Variants in NCOR2 observed in about 807,000 individuals in gnomAD.
NCOR2 encodes the protein CTG repeat protein 26.
A neutral mutation model predicts 262.9 loss-of-function variants in NCOR2; 81 were observed. The observed-to-expected ratio is 0.31, with a 90% CI of 0.26 to 0.37. The LOEUF (loss-of-function observed/expected upper bound fraction) is 0.37, where lower values mean the gene tolerates loss of function less well. Among genes scored for constraint, NCOR2 ranks in the 10% least tolerant of loss-of-function variants. NCOR2 has a pLI of 1.00. For synonymous variants in NCOR2, 1,659 were observed against 1,559.3 expected (o/e 1.06, Z -1.51); for missense variants, 3,385 against 3,621.4 (o/e 0.93, Z 1.68).
chr12:124,340,313 G>A (rs367897558), exon 36 of NCOR2: 30 of 1,611,948 alleles, frequency 1.9e-5, no homozygotes, highest in African/African-American at 1.7e-4. Flanking sequence ...AGATGGGTGC[G>A]TGCTCCACCG....
intron 1 of NCOR2, among the ~76,000 whole-genome samples, chr12:124,563,143 G>A (rs547565079): frequency 2.0e-5 from 3 of 152,320 alleles, no homozygotes; most frequent in South Asian, 2.1e-4. Flanking sequence ...CCCAAACCCT[G>A]AGAGCAAGGG....
At chr12:124,437,803 CGCA>C (rs751045324) in intron 8 of NCOR2, 124 bp downstream of exon 10, 111 of 800,908 alleles carry the variant, frequency 1.4e-4, no homozygotes, top group Non-Finnish European at 2.0e-4. Flanking sequence ...GCTTTTCCTC[CGCA>C]GCCTGGACAC....
intron 4 of NCOR2, among the ~76,000 whole-genome samples, chr12:124,471,534 G>T (rs1436730795): frequency 6.6e-6 from 1 of 152,216 alleles, no homozygotes; most frequent in Non-Finnish European, 1.5e-5. Context: ...TTCAAATAAT[G>T]ATGTCACCAG....
intron 16 of NCOR2, among the ~76,000 whole-genome samples, chr12:124,397,508 C>T (rs2041758579): frequency 6.6e-6 from 1 of 152,198 alleles, no homozygotes; most frequent in South Asian, 2.1e-4. Flanking sequence ...CTTCTGCTGC[C>T]AGCACCAATG....
intron 37 of NCOR2, among the ~76,000 whole-genome samples, chr12:124,339,298 C>CCCATCCATCCATCCATCCATCCATCCAT (rs147095017): frequency 7.7e-6 from 1 of 129,666 alleles, no homozygotes; most frequent in East Asian, 2.4e-4. Context: ...CAACCACCTG[C>CCCATCCATCCATCCATCCATCCATCCAT]CCATCCATCC....
chr12:124,519,702 T>G (rs1221776008), intron 1 of NCOR2, among the ~76,000 whole-genome samples: 2 of 152,064 alleles, frequency 1.3e-5, no homozygotes, highest in African/African-American at 4.8e-5. Flanking sequence ...TTGAGAGTAA[T>G]AATATTAATA....
intron 1 of NCOR2, among the ~76,000 whole-genome samples, chr12:124,501,058 G>GCGCA (rs1555232690): frequency 3.0e-5 from 2 of 66,216 alleles, no homozygotes; most frequent in African/African-American, 1.0e-4. Context: ...GCGCGCGCAC[G>GCGCA]CGCGCACACA....
chr12:124,384,227 G>A (rs1201671749), intron 17 of NCOR2, among the ~76,000 whole-genome samples: 1 of 152,230 alleles, frequency 6.6e-6, no homozygotes, highest in Non-Finnish European at 1.5e-5. Flanking sequence ...GCCCCCTTCT[G>A]CGCCCCCAGG....
In NCOR2 at chr12:124,355,346, C is replaced by T. The variant is rs185914562; in HGVS notation, c.3381+86G>A. The stretch of plus-strand genomic sequence containing the variant: ...ATGACCCAGGCCCCCGAGAGCCTGG[C>T]CCCCACTCAGACTTCATTGGTCCCA... On this transcript the variant is annotated intron_variant, in intron 24 of 46. Coordinates refer to ENST00000405201, the Ensembl canonical transcript of NCOR2. 4 of 1,504,754 alleles carry T rather than the reference C, an allele frequency of 2.7e-6. No homozygotes were observed. In the East Asian group the frequency reaches 7.3e-5, roughly 27 times the overall value. 93.2% of individuals were successfully genotyped at this position (1,504,754 alleles called of 1,614,324 possible). A position where few individuals can be genotyped will look rare whatever the true frequency, so the allele number is the denominator to read the frequency against.
chr12:124,552,198 G>A (rs1414761518), intron 1 of NCOR2, among the ~76,000 whole-genome samples: 2 of 151,986 alleles, frequency 1.3e-5, no homozygotes, highest in East Asian at 1.9e-4. Flanking sequence ...ACATGTGCCT[G>A]TAGTCCCAGC....
intron 1 of NCOR2, among the ~76,000 whole-genome samples, chr12:124,550,470 G>A (rs1411046013): frequency 1.3e-5 from 2 of 152,112 alleles, no homozygotes; most frequent in Non-Finnish European, 2.9e-5. Flanking sequence ...ATATCTCATA[G>A]CTCCTTCCCC....
At chr12:124,426,839 C>T (rs367651094) in intron 10 of NCOR2, 39 bp from the exon 13 acceptor site, 5 of 1,514,802 alleles carry the variant, frequency 3.3e-6, no homozygotes, top group Non-Finnish European at 4.5e-6. Context: ...GGCCCAGGGA[C>T]GAGGTGCTCC....
At chr12:124,349,813 G>A (rs950888901) in intron 28 of NCOR2, among the ~76,000 whole-genome samples, 2 of 152,046 alleles carry the variant, frequency 1.3e-5, no homozygotes, top group Admixed American at 6.6e-5. Flanking sequence ...CAGGCTTCCC[G>A]CCACCCCCAG....
chr12:124,488,165 C>A (rs2047880838), intron 1 of NCOR2, among the ~76,000 whole-genome samples: 1 of 152,126 alleles, frequency 6.6e-6, no homozygotes, highest in Admixed American at 6.5e-5. Flanking sequence ...CAAAGAGAAT[C>A]AGAGACAATG....
upstream of NCOR2, among the ~76,000 whole-genome samples, chr12:124,499,999 TCCCGCTGCACAGG>T (rs1002586665): frequency 1.3e-5 from 2 of 151,202 alleles, no homozygotes; most frequent in African/African-American, 2.4e-5. Context: ...GCTGCAGGAG[TCCCGCTGCACAGG>T]CCCGCTGCGA....
At chr12:124,360,040 A>C (rs2038411805) in intron 22 of NCOR2, among the ~76,000 whole-genome samples, 1 of 152,186 alleles carries the variant, frequency 6.6e-6, no homozygotes, top group South Asian at 2.1e-4. Flanking sequence ...CAGCCGCGGG[A>C]ACTGCTGGCC....
At chr12:124,445,342 C>T (rs1461193105) in intron 7 of NCOR2, among the ~76,000 whole-genome samples, 1 of 152,200 alleles carries the variant, frequency 6.6e-6, no homozygotes, top group African/African-American at 2.4e-5. Context: ...GCCCCGGCCC[C>T]GCCCCGGTGG....
At chr12:124,509,674 A>G (rs1395438793) in intron 1 of NCOR2, among the ~76,000 whole-genome samples, 1 of 152,082 alleles carries the variant, frequency 6.6e-6, no homozygotes, top group Non-Finnish European at 1.5e-5. Context: ...TGTAGGGGGA[A>G]GGGGCCAGGC....
chr12:124,530,127 GAGAA>G (rs1293609141), intron 1 of NCOR2: 4 of 152,210 alleles, frequency 2.6e-5, no homozygotes, highest in Non-Finnish European at 5.9e-5. Context: ...ACTTAGCCAT[GAGAA>G]AGAATGAATT....
Sources: allele counts gnomAD v4.1 joint callset (sites outside exome capture counted in the v4.1 genomes callset), GRCh38; gene constraint gnomAD v4.1.1; transcripts MANE v1.5; gene names NCBI Gene and HGNC (gene_info 2026-07-23, HGNC 2026-07-21).